Variants in MCF2L2 observed in about 807,000 individuals in gnomAD.
MCF2L2 encodes probable guanine nucleotide exchange factor MCF2L2.
MCF2L2 carries 102 observed loss-of-function variants against 150.2 expected under a neutral mutation model. The ratio of observed to expected loss-of-function variants is 0.68; its 90% CI spans 0.58 to 0.80. The LOEUF is 0.80. Among genes scored for constraint, MCF2L2 ranks in the 30% least tolerant of loss-of-function variants. The pLI is 0.00. For synonymous variants in MCF2L2, 465 were observed against 491.3 expected, an observed-to-expected ratio of 0.95 and a Z score of 0.71; for missense variants, 1,256 against 1,372.8, an observed-to-expected ratio of 0.91 and a Z score of 1.34.
intron 5 of MCF2L2, among the ~76,000 whole-genome samples, chr3:183,327,489 C>T (rs1016039664): frequency 1.4e-4 from 22 of 152,210 alleles, no homozygotes; most frequent in Non-Finnish European, 2.6e-4. Context: ...ATTCAACTGC[C>T]TGTCCAACTT....
At chr3:183,185,068 C>T (rs968922489) in intron 27 of MCF2L2, among the ~76,000 whole-genome samples, 2 of 152,180 alleles carry the variant, frequency 1.3e-5, no homozygotes, top group African/African-American at 4.8e-5. Flanking sequence ...CAGGCGCATG[C>T]CACCATGCCC....
At chr3:183,201,354 T>C (rs1430173045) in intron 25 of MCF2L2, among the ~76,000 whole-genome samples, 1 of 152,162 alleles carries the variant, frequency 6.6e-6, no homozygotes, top group African/African-American at 2.4e-5. Flanking sequence ...CCCTTGTAAG[T>C]TGGATTCCTA....
At position 183,230,933 on chromosome 3, in the gene MCF2L2, C is replaced by T. The variant is rs768211254; in HGVS notation, c.1929+18G>A. 15 of 1,593,916 alleles carry T rather than the reference C, an allele frequency of 9.4e-6. 1 individual carries two copies. The African/African-American group carries it at 1.6e-4, about 17-fold the overall frequency. On this transcript the variant is annotated intron_variant, in intron 16 of 29. Coordinates refer to ENST00000328913, the MANE Select transcript of MCF2L2 (RefSeq NM_015078.4). ...GTTTGAATATATGCTTGATACCCCA[C>T]TCCCCAAATCTACTTACATCAATTA...
chr3:183,308,223 A>G (rs1729195023), intron 10 of MCF2L2, among the ~76,000 whole-genome samples: 1 of 152,178 alleles, frequency 6.6e-6, no homozygotes, highest in Non-Finnish European at 1.5e-5. Flanking sequence ...AGGATAAGGA[A>G]TACCTCTTGA....
At position 183,294,635 on chromosome 3, in the gene MCF2L2, T is replaced by A. The variant is rs867221085; in HGVS notation, c.1675+665A>T. On this transcript the variant is annotated intron_variant, in intron 13 of 29. Coordinates refer to ENST00000328913, the MANE Select transcript of MCF2L2 (RefSeq NM_015078.4). ...TGTGTGTATATATATATATATATATTTTTTTTTTTTTGAGACGGAGTCTCG... is the reference window on the plus strand; with the variant it reads ...TGTGTGTATATATATATATATATATATTTTTTTTTTTGAGACGGAGTCTCG... Among the ~76,000 whole-genome samples the A allele has an allele frequency of 9.2e-3, 1,226 of 133,444 alleles. 11 individuals carry two copies. The highest frequency in any genetic ancestry group is 0.011 in the Non-Finnish European group (709 of 65,026). 87.5% of individuals were successfully genotyped at this position (133,444 alleles called of 152,430 possible).
chr3:183,384,337 G>A (rs528612602), intron 2 of MCF2L2, among the ~76,000 whole-genome samples: 1 of 152,310 alleles, frequency 6.6e-6, no homozygotes, highest in East Asian at 1.9e-4. Flanking sequence ...CTTGCCTGGG[G>A]ATTAGATTGC....
chr3:183,274,965 G>GTTT (rs763718357), intron 15 of MCF2L2, among the ~76,000 whole-genome samples: 1 of 143,522 alleles, frequency 7.0e-6, no homozygotes, highest in Non-Finnish European at 1.5e-5. Context: ...CTATAGCTTG[G>GTTT]TTTTTTTTTT....
rs1726296403 is a variant in MCF2L2 at position 183,267,700 on chromosome 3, TTA to T, written c.1862+9170_1862+9171del. Among the ~76,000 whole-genome samples, 1 of 152,186 alleles carries T rather than the reference TTA, an allele frequency of 6.6e-6. No homozygotes were observed. Among genetic ancestry groups the T allele is most frequent in the African/African-American group, 2.4e-5 (1 of 41,458 alleles). On this transcript the variant is annotated intron_variant, in intron 15 of 29. Coordinates refer to ENST00000328913, the MANE Select transcript of MCF2L2 (RefSeq NM_015078.4). The surrounding 1 kb of genome is among the most constrained non-coding windows in gnomAD (Gnocchi z 5.5). ...CTACCTTTCCATCCAAGGAAGTGTT[TTA>T]CCTGTGGTAAGCACGGGGGACAGAA...
chr3:183,207,578 G>A (rs749570343), intron 23 of MCF2L2, 30 bp downstream of exon 23: 34 of 1,505,444 alleles, frequency 2.3e-5, no homozygotes, highest in South Asian at 3.4e-5. Flanking sequence ...TGCATAGGGC[G>A]ACTCCCAGAT....
chr3:183,228,330 G>C lies in MCF2L2; in HGVS notation c.2082C>G (p.Asn694Lys). The C allele has an allele frequency of 6.2e-7, 1 of 1,613,382 alleles. No individual in the cohort carries two copies. Among genetic ancestry groups the C allele is most frequent in the East Asian group, 2.2e-5 (1 of 44,864 alleles). ...GAAAGCAATGTGCCAGAAGTTCAGG[G>C]TTCTCAGCACACTTTTCCAACTCTT... ...FLKELEKCAE[N>K]PELLAHCFLK... The change falls in exon 18 of 30, where the codon AAC becomes AAG. Residue 694 changes from asparagine (N) to lysine (K), a missense_variant. Physicochemically the swap from Asn to Lys is moderately conservative, Grantham distance 94. Coordinates refer to ENST00000328913, the MANE Select transcript of MCF2L2 (RefSeq NM_015078.4).
At chr3:183,269,918 G>A (rs762976299) in intron 15 of MCF2L2, 3 of 1,614,072 alleles carry the variant, frequency 1.9e-6, no homozygotes, top group African/African-American at 1.3e-5. Flanking sequence ...ATCACATTGT[G>A]AGCCATATGA....
intron 15 of MCF2L2, among the ~76,000 whole-genome samples, chr3:183,255,834 CTT>C (rs1724997880): frequency 6.7e-6 from 1 of 149,976 alleles, no homozygotes; most frequent in African/African-American, 2.5e-5. Flanking sequence ...AAAAAGAAAA[CTT>C]TCTAATTCTC....
At chr3:183,229,849 T>A in intron 16 of MCF2L2, 68 bp from the exon 17 acceptor site, 1 of 642,168 alleles carries the variant, frequency 1.6e-6, no homozygotes, top group Non-Finnish European at 2.8e-6. Context: ...AATTAGCTAC[T>A]GCAAAACCCA....
intron 10 of MCF2L2, among the ~76,000 whole-genome samples, chr3:183,300,564 G>T (rs1183441163): frequency 2.0e-5 from 3 of 152,164 alleles, no homozygotes; most frequent in Admixed American, 2.0e-4. Flanking sequence ...GAAAAGCATG[G>T]AGTGCACATA....
At chr3:183,351,211 T>A (rs1436117067) in intron 3 of MCF2L2, among the ~76,000 whole-genome samples, 1 of 81,130 alleles carries the variant, frequency 1.2e-5, no homozygotes, top group African/African-American at 6.2e-5. Flanking sequence ...TATATATATA[T>A]ATATATATAT....
At chr3:183,422,326 T>C (rs926159809) in intron 1 of MCF2L2, among the ~76,000 whole-genome samples, 3 of 152,148 alleles carry the variant, frequency 2.0e-5, no homozygotes, top group African/African-American at 7.2e-5. Context: ...AGTCAGTTAT[T>C]TGGGGGAGAG....
intron 3 of MCF2L2, among the ~76,000 whole-genome samples, chr3:183,369,882 C>T (rs907656983): frequency 6.6e-6 from 1 of 152,190 alleles, no homozygotes; most frequent in African/African-American, 2.4e-5. Context: ...GTCTACTCTA[C>T]ATCCAAAGTT....
intron 5 of MCF2L2, among the ~76,000 whole-genome samples, chr3:183,337,743 A>C (rs182627781): frequency 6.6e-6 from 1 of 152,166 alleles, no homozygotes; most frequent in Non-Finnish European, 1.5e-5. Context: ...TTAATAATGA[A>C]TATCGCTGTC....
intron 15 of MCF2L2, among the ~76,000 whole-genome samples, chr3:183,250,342 T>C (rs539177200): frequency 2.0e-5 from 3 of 152,206 alleles, no homozygotes; most frequent in African/African-American, 7.2e-5. Context: ...TCCCAGCACT[T>C]TGGGAGGCCG....
Sources: allele counts gnomAD v4.1 joint callset (sites outside exome capture counted in the v4.1 genomes callset), GRCh38; gene constraint gnomAD v4.1.1; non-coding constraint Gnocchi (gnomAD v3.1); transcripts MANE v1.5; gene names NCBI Gene and HGNC (gene_info 2026-07-23, HGNC 2026-07-21).